The following SLC7A11 variants were observed in gnomAD, a reference collection of about 807,000 sequenced individuals.
SLC7A11 encodes solute carrier family 7 member 11.
A neutral mutation model predicts 54.5 loss-of-function variants in SLC7A11; 35 were observed. The observed-to-expected ratio is 0.64, with a 90% confidence interval of 0.49 to 0.85. The LOEUF is 0.85. Among genes scored for constraint, SLC7A11 ranks in the 40% least tolerant of loss-of-function variants. The probability of loss-of-function intolerance (pLI) is 0.00; values close to 1 mark genes in which losing one functional copy is unlikely to be tolerated. For synonymous variants in SLC7A11, 230 were observed against 225.2 expected (o/e 1.02, Z -0.19); for missense variants, 583 against 618.1 (o/e 0.94, Z 0.60).
At chr4:138,196,344 G>A (rs1010585406) in intron 6 of SLC7A11, among the ~76,000 whole-genome samples, 4 of 152,116 alleles carry the variant, frequency 2.6e-5, no homozygotes, top group Non-Finnish European at 4.4e-5. Flanking sequence ...AAAGGATCAG[G>A]CCTCACTAAT....
Position 138,171,181 on chromosome 4 carries a change from T to G in SLC7A11, c.*775A>C, listed in dbSNP as rs530652845. 12 of 152,128 alleles carry G rather than the reference T, an allele frequency of 7.9e-5. No individual in the cohort carries two copies. Among genetic ancestry groups the G allele is most frequent in the African/African-American group, 2.9e-4 (12 of 41,532 alleles). The allele number at this position is 152,128 out of a possible 1,614,324, so 9.4% of individuals were successfully genotyped here. A position where few individuals can be genotyped will look rare whatever the true frequency, so the allele number is the denominator to read the frequency against. ...GATTTAATACCAAACTAACTCTTGC[T>G]CTAAGATGTGTTATACACTTTCCTG... On this transcript the variant is annotated 3_prime_UTR_variant, in exon 12 of 12. Transcript: ENST00000280612.
intron 4 of SLC7A11, among the ~76,000 whole-genome samples, chr4:138,222,676 C>T (rs546931784): frequency 6.6e-6 from 1 of 152,252 alleles, no homozygotes; most frequent in Non-Finnish European, 1.5e-5. Flanking sequence ...GTTTTTACAA[C>T]TATTTTATTG....
At chr4:138,183,366 A>G in intron 7 of SLC7A11, 61 bp from the exon 8 acceptor site, 2 of 1,092,578 alleles carry the variant, frequency 1.8e-6, no homozygotes, top group Non-Finnish European at 2.8e-6. Flanking sequence ...AAAATGAAAC[A>G]ATTTAGGCCA....
intron 6 of SLC7A11, among the ~76,000 whole-genome samples, chr4:138,203,451 T>C (rs1187051479): frequency 6.6e-6 from 1 of 152,082 alleles, no homozygotes; most frequent in African/African-American, 2.4e-5. Flanking sequence ...ATCTTTTTCA[T>C]TAAAAAAAGA....
intron 6 of SLC7A11, among the ~76,000 whole-genome samples, chr4:138,191,786 G>C (rs1270206595): frequency 2.6e-5 from 4 of 151,968 alleles, no homozygotes; most frequent in South Asian, 2.1e-4. Context: ...TGCATTGTCT[G>C]CATCTCATTT....
Position 138,180,794 on chromosome 4 carries a change from A to AG in SLC7A11, c.1117-5dup, listed in dbSNP as rs1478667978. On this transcript the variant is annotated splice_region_variant and splice_polypyrimidine_tract_variant and intron_variant, in intron 9 of 11. Coordinates refer to ENST00000280612, the MANE Select transcript of SLC7A11 (RefSeq NM_014331.4). Reference sequence around the variant, plus strand: ...GCATTATCATTGTCAAAGGGTGCTGAGGGGGGAAAGGGAAGCAAGCTTGGT... The same window carrying AG: ...GCATTATCATTGTCAAAGGGTGCTGAGGGGGGGAAAGGGAAGCAAGCTTGGT... 3 of 1,608,660 alleles carry AG rather than the reference A, an allele frequency of 1.9e-6. No homozygotes were observed. The highest frequency in any genetic ancestry group is 2.2e-5 in the East Asian group (1 of 44,628).
At chr4:138,217,568 G>A (rs896451329) in intron 5 of SLC7A11, among the ~76,000 whole-genome samples, 2 of 152,150 alleles carry the variant, frequency 1.3e-5, no homozygotes, top group African/African-American at 4.8e-5. Flanking sequence ...AGTGAGGAGG[G>A]TAAAAGAATA....
chr4:138,191,735 G>A (rs376314109), intron 6 of SLC7A11, among the ~76,000 whole-genome samples: 6 of 152,098 alleles, frequency 3.9e-5, no homozygotes, highest in African/African-American at 1.2e-4. Flanking sequence ...TAGCTTGAGA[G>A]TAAATTTTCA....
chr4:138,190,754 T>C (rs921474048), intron 6 of SLC7A11, among the ~76,000 whole-genome samples: 2 of 152,080 alleles, frequency 1.3e-5, no homozygotes, highest in African/African-American at 4.8e-5. Context: ...CACACTAAAC[T>C]CTCCAGAGAC....
chr4:138,193,420 T>C (rs1367474340), intron 6 of SLC7A11, among the ~76,000 whole-genome samples: 1 of 152,164 alleles, frequency 6.6e-6, no homozygotes, highest in Non-Finnish European at 1.5e-5. Context: ...GTAGTTGAGG[T>C]AGGTTTTAAA....
chr4:138,208,565 C>T (rs1451158111), intron 6 of SLC7A11, among the ~76,000 whole-genome samples: 1 of 152,054 alleles, frequency 6.6e-6, no homozygotes, highest in African/African-American at 2.4e-5. Context: ...ATTCATTACA[C>T]TTGCACAAGC....
intron 1 of SLC7A11, among the ~76,000 whole-genome samples, 190 bp from the exon 2 acceptor site, chr4:138,236,641 C>T (rs1738215538): frequency 6.6e-6 from 1 of 152,134 alleles, no homozygotes; most frequent in Non-Finnish European, 1.5e-5. Context: ...TTTCTAACAT[C>T]CTCACAGTTG....
chr4:138,184,474 C>T (rs564293104), intron 7 of SLC7A11, among the ~76,000 whole-genome samples: 200 of 152,108 alleles, frequency 1.3e-3, no homozygotes, highest in Non-Finnish European at 2.2e-3. Context: ...TCTTTGGGGA[C>T]AAAGATGGTC....
intron 6 of SLC7A11, among the ~76,000 whole-genome samples, chr4:138,206,784 A>C (rs1737417987): frequency 6.6e-6 from 1 of 151,982 alleles, no homozygotes; most frequent in Admixed American, 6.6e-5. Flanking sequence ...CACATGTTCT[A>C]TTAGTGCGAA....
At chr4:138,221,214 T>C (rs1425215447) in intron 4 of SLC7A11, among the ~76,000 whole-genome samples, 2 of 152,176 alleles carry the variant, frequency 1.3e-5, no homozygotes. Context: ...TTGAGAATAT[T>C]ACAAAAGAGA....
chr4:138,212,138 TA>T (rs1737566514), intron 6 of SLC7A11, among the ~76,000 whole-genome samples: 1 of 151,876 alleles, frequency 6.6e-6, no homozygotes, highest in African/African-American at 2.4e-5. Context: ...AGATATCCCA[TA>T]AAGATATTTT....
intron 3 of SLC7A11, among the ~76,000 whole-genome samples, chr4:138,226,359 C>A (rs1458194446): frequency 6.6e-6 from 1 of 151,990 alleles, no homozygotes; most frequent in Non-Finnish European, 1.5e-5. Context: ...TCAAACTGTA[C>A]ATTTAAAGCA....
At chr4:138,236,240 G>GTCATGTGACTACATGATAAACA in intron 2 of SLC7A11, 85 bp downstream of exon 2, 1 of 1,154,170 alleles carries the variant, frequency 8.7e-7, no homozygotes, top group Non-Finnish European at 1.2e-6. Flanking sequence ...TGACATGCAT[G>GTCATGTGACTACATGATAAACA]TGTCTAACCA....
rs745637363 is a variant in SLC7A11 at position 138,171,938 on chromosome 4, G to T, written c.*18C>A. The stretch of plus-strand genomic sequence containing the variant: ...TGTCTCCCCTTGGGCAGATTGCCAA[G>T]ATCTCAAGTCCATTAGTTCATAACT... On this transcript the variant is annotated 3_prime_UTR_variant, in exon 12 of 12. Transcript: ENST00000280612. 1 of 1,577,772 alleles carries T rather than the reference G, an allele frequency of 6.3e-7. No homozygotes were observed. The highest frequency in any genetic ancestry group is 8.6e-7 in the Non-Finnish European group (1 of 1,167,958).
Sources: allele counts gnomAD v4.1 joint callset (sites outside exome capture counted in the v4.1 genomes callset), GRCh38; gene constraint gnomAD v4.1.1; transcripts MANE v1.5; gene names NCBI Gene and HGNC (gene_info 2026-07-23, HGNC 2026-07-21).